The following MDGA2 variants were observed in gnomAD, a reference collection of about 807,000 sequenced individuals.
MDGA2 encodes the protein MAM domain containing glycosylphosphatidylinositol anchor 2.
A neutral mutation model predicts 117.8 loss-of-function variants in MDGA2; 40 were observed. That is an observed-to-expected ratio of 0.34 (90% CI 0.26 to 0.44). MDGA2 has a LOEUF of 0.44. Ranked by LOEUF, MDGA2 falls within the 20% of genes least tolerant of loss-of-function variation. The probability of loss-of-function intolerance (pLI) is 1.00; values close to 1 mark genes in which losing one functional copy is unlikely to be tolerated. For synonymous variants in MDGA2, 452 were observed against 439.0 expected (o/e 1.03, Z -0.37); for missense variants, 1,123 against 1,250.6 (o/e 0.90, Z 1.54).
Position 47,303,390 on chromosome 14 carries a change from A to G in MDGA2, c.281-1840T>C, listed in dbSNP as rs189066310. 5.2e-3 allele frequency among the ~76,000 whole-genome samples: 788 copies of G among 152,296 alleles called. 5 individuals are homozygous for G. Among genetic ancestry groups the G allele is most frequent in the Middle Eastern group, 0.031 (9 of 294 alleles). On this transcript the variant is annotated intron_variant, in intron 1 of 16. Coordinates refer to ENST00000399232, the MANE Select transcript of MDGA2 (RefSeq NM_001113498.3). ...TTGGTCTATAAAACCAATTTATTAA[A>G]AATTTTCCATCATGTCTCTGGACTC...
intron 1 of MDGA2, among the ~76,000 whole-genome samples, chr14:47,436,085 T>C (rs931323634): frequency 3.3e-5 from 5 of 151,886 alleles, no homozygotes; most frequent in African/African-American, 1.2e-4. Context: ...AAAACTTCAA[T>C]AGTAAAGTCC....
chr14:47,116,431 C>T (rs1163693234), intron 5 of MDGA2, among the ~76,000 whole-genome samples: 2 of 151,762 alleles, frequency 1.3e-5, no homozygotes, highest in African/African-American at 4.8e-5. Context: ...CATATGGAAC[C>T]ACAAAAACCA....
intron 2 of MDGA2, among the ~76,000 whole-genome samples, chr14:47,249,100 C>T (rs919608298): frequency 6.6e-6 from 1 of 151,798 alleles, no homozygotes; most frequent in African/African-American, 2.4e-5. Context: ...TCACTGCAAC[C>T]TCCGCCTCTG....
chr14:47,111,215 C>A (rs1881019671), intron 5 of MDGA2, among the ~76,000 whole-genome samples: 1 of 151,982 alleles, frequency 6.6e-6, no homozygotes, highest in African/African-American at 2.4e-5. Flanking sequence ...TTTTGATAAC[C>A]CCTAAGTCAC....
rs778024502 is a variant in MDGA2 at position 46,874,030 on chromosome 14, G to A, written c.2593+15C>T. 3.1e-5 allele frequency: 47 copies of A among 1,527,048 alleles called. No individual in the cohort carries two copies. Among genetic ancestry groups the A allele is most frequent in the Non-Finnish European group, 4.0e-5 (46 of 1,146,308 alleles). The allele number at this position is 1,527,048 out of a possible 1,614,324, so 94.6% of individuals were successfully genotyped here. A position where few individuals can be genotyped will look rare whatever the true frequency, so the allele number is the denominator to read the frequency against. On this transcript the variant is annotated intron_variant, in intron 13 of 16. Coordinates refer to ENST00000399232, the MANE Select transcript of MDGA2 (RefSeq NM_001113498.3). ...TCTCTGATTGCTATGAACACAAAAG[G>A]TCATACCCCCATACCTTCTTTGGAG...
chr14:46,944,811 T>G (rs1885116262), intron 9 of MDGA2, among the ~76,000 whole-genome samples: 1 of 152,016 alleles, frequency 6.6e-6, no homozygotes, highest in Non-Finnish European at 1.5e-5. Flanking sequence ...TTTTGTATGC[T>G]AAAATTTCTT....
rs148524907 is a variant in MDGA2 at position 46,900,767 on chromosome 14, T to C, written c.2239-18546A>G. Among the ~76,000 whole-genome samples, 26 of 152,252 alleles carry C rather than the reference T, an allele frequency of 1.7e-4. No homozygotes were observed. The East Asian group carries it at 2.7e-3, about 16-fold the overall frequency. Reference sequence around the variant, plus strand: ...ACAGTTGAGTATCTTGTTTGCATTATGGTTACACAAAGCTACGCACATGCA... The same window carrying C: ...ACAGTTGAGTATCTTGTTTGCATTACGGTTACACAAAGCTACGCACATGCA... On this transcript the variant is annotated intron_variant, in intron 10 of 16. Transcript: ENST00000399232.
At chr14:47,381,091 C>T (rs1306655245) in intron 1 of MDGA2, among the ~76,000 whole-genome samples, 6 of 152,168 alleles carry the variant, frequency 3.9e-5, no homozygotes. Flanking sequence ...AGCATATAAA[C>T]AGAACCAAAG....
intron 1 of MDGA2, among the ~76,000 whole-genome samples, chr14:47,469,081 C>G (rs2138610243): frequency 6.6e-6 from 1 of 151,936 alleles, no homozygotes; most frequent in African/African-American, 2.4e-5. Flanking sequence ...TATAAATATT[C>G]AAAAACTGCT....
At chr14:46,965,595 A>G (rs770815452) in intron 8 of MDGA2, among the ~76,000 whole-genome samples, 2 of 152,212 alleles carry the variant, frequency 1.3e-5, no homozygotes, top group South Asian at 2.1e-4. Context: ...ATTATAGTGC[A>G]CTCAAGTCTG....
chr14:47,414,527 G>A (rs1594845406), intron 1 of MDGA2, among the ~76,000 whole-genome samples: 1 of 152,124 alleles, frequency 6.6e-6, no homozygotes, highest in African/African-American at 2.4e-5. Flanking sequence ...GATATAGATA[G>A]ATAAGAAAAG....
At chr14:47,539,812 T>C (rs774803115) in intron 1 of MDGA2, among the ~76,000 whole-genome samples, 10 of 152,216 alleles carry the variant, frequency 6.6e-5, no homozygotes, top group Non-Finnish European at 1.5e-4. Context: ...CAGTGAAAGC[T>C]GAAGTAGTAG....
intron 8 of MDGA2, among the ~76,000 whole-genome samples, chr14:47,004,675 A>G (rs1887648962): frequency 6.6e-6 from 1 of 151,788 alleles, no homozygotes; most frequent in Non-Finnish European, 1.5e-5. Flanking sequence ...GAGGAGTATT[A>G]AAAACAATAT....
At chr14:47,566,030 G>A (rs951733357) in intron 1 of MDGA2, among the ~76,000 whole-genome samples, 3 of 152,328 alleles carry the variant, frequency 2.0e-5, no homozygotes, top group Non-Finnish European at 4.4e-5. Context: ...CAGCAGCAAT[G>A]GCATGGTGGG....
chr14:47,663,768 T>C (rs1224170181), intron 1 of MDGA2, among the ~76,000 whole-genome samples: 1 of 152,230 alleles, frequency 6.6e-6, no homozygotes, highest in African/African-American at 2.4e-5. Context: ...TTTCTGTTTT[T>C]ATGTATTAAC....
At chr14:47,084,339 A>G (rs1010349890) in intron 6 of MDGA2, among the ~76,000 whole-genome samples, 1 of 152,096 alleles carries the variant, frequency 6.6e-6, no homozygotes, top group African/African-American at 2.4e-5. Flanking sequence ...AAACAAACAC[A>G]CTGAACTGAA....
At chr14:47,597,148 G>T (rs1853054338) in intron 1 of MDGA2, among the ~76,000 whole-genome samples, 1 of 151,986 alleles carries the variant, frequency 6.6e-6, no homozygotes, top group Non-Finnish European at 1.5e-5. Context: ...ACTAAACTCT[G>T]GTCATGAAAA....
rs146479831 is a variant in MDGA2, at chr14:47,323,970, G to A, written c.281-22420C>T. On this transcript the variant is annotated intron_variant, in intron 1 of 16. Coordinates refer to ENST00000399232, the MANE Select transcript of MDGA2 (RefSeq NM_001113498.3). ...GTATTAAGATCTCTGAGTGGGCCAG[G>A]CGTGGTGGCTCACGCCTGTAATCCC... Among the ~76,000 whole-genome samples the A allele has an allele frequency of 7.9e-3, 1,197 of 152,170 alleles. 29 individuals are homozygous for A. The East Asian group carries it at 0.081, about 10-fold the overall frequency.
At chr14:47,541,521 T>C (rs1471530255) in intron 1 of MDGA2, among the ~76,000 whole-genome samples, 3 of 152,176 alleles carry the variant, frequency 2.0e-5, no homozygotes, top group African/African-American at 7.2e-5. Context: ...TAAGCTCTTG[T>C]CCCCATAAAG....
Sources: gnomAD v4.1 joint callset for allele counts (sites outside exome capture counted in the v4.1 genomes callset) on GRCh38, gnomAD v4.1.1 for gene constraint, MANE v1.5 for transcripts, NCBI Gene and HGNC (gene_info 2026-07-23, HGNC 2026-07-21) for gene names.